MEG3: variants seen among roughly 807,000 people sequenced by gnomAD.
MEG3 encodes the protein Very putative protein from MEG3 locus.
At chr14:100,841,633 G>A (rs911520403) in intron 2 of MEG3, among the ~76,000 whole-genome samples, 19 of 150,746 alleles carry the variant, frequency 1.3e-4, no homozygotes, top group African/African-American at 4.7e-4. Flanking sequence ...TGTGACCTGT[G>A]TGGTCGGGGG....
exon 1 of MEG3, chr14:100,835,063 G>T (rs2037524071): frequency 2.0e-5 from 7 of 348,008 alleles, no homozygotes; most frequent in South Asian, 1.5e-4. Flanking sequence ...GGTTGCCCAG[G>T]GGCTGGAGCA....
intron 2 of MEG3, among the ~76,000 whole-genome samples, chr14:100,840,855 G>A (rs1261320546): frequency 2.0e-5 from 3 of 152,194 alleles, no homozygotes; most frequent in Non-Finnish European, 4.4e-5. Flanking sequence ...GAGGACAGTC[G>A]GGGGCCAAAG....
chr14:100,842,867 C>T (rs923926728), intron 2 of MEG3, among the ~76,000 whole-genome samples: 57 of 152,210 alleles, frequency 3.7e-4, no homozygotes, highest in African/African-American at 1.2e-3. Flanking sequence ...GCTCACTGCA[C>T]GCACTTATGA....
intron 3 of MEG3, chr14:100,850,891 A>G (rs913253709): frequency 3.9e-5 from 6 of 152,326 alleles, no homozygotes; most frequent in African/African-American, 1.4e-4. Context: ...GGAAGGAGGG[A>G]AAAAGGGAAG....
intron 3 of MEG3, chr14:100,848,598 A>G (rs2037983770): frequency 2.7e-5 from 3 of 110,596 alleles, no homozygotes; most frequent in Non-Finnish European, 6.5e-5. Flanking sequence ...GGATGGGAAA[A>G]AATGAAAATA....
intron 2 of MEG3, among the ~76,000 whole-genome samples, chr14:100,839,382 G>T (rs1164988242): frequency 6.6e-6 from 1 of 152,216 alleles, no homozygotes; most frequent in Non-Finnish European, 1.5e-5. Flanking sequence ...TCCAAAGGAG[G>T]AATAAGGAGG....
chr14:100,852,236 A>G (rs993939549), intron 3 of MEG3: 9 of 447,790 alleles, frequency 2.0e-5, no homozygotes, highest in Non-Finnish European at 3.6e-5. Flanking sequence ...GATGGCAGCA[A>G]AGTGGGGTGC....
downstream of MEG3, chr14:100,830,571 G>C (rs2037370440): frequency 6.6e-6 from 1 of 152,140 alleles, no homozygotes; most frequent in African/African-American, 2.4e-5. Context: ...GTGTGTGTTT[G>C]TGTTCAATTA....
At chr14:100,844,748 G>A (rs115389774) in intron 2 of MEG3, among the ~76,000 whole-genome samples, 3,393 of 152,264 alleles carry the variant, frequency 0.022, 119 homozygotes, top group African/African-American at 0.077. Flanking sequence ...TTTTCTTAAA[G>A]CTTAACATTT....
intron 2 of MEG3, among the ~76,000 whole-genome samples, chr14:100,840,382 G>A (rs943295742): frequency 1.3e-5 from 2 of 152,070 alleles, no homozygotes; most frequent in East Asian, 1.9e-4. Flanking sequence ...GGCTCAGGCC[G>A]AGAGGAATGT....
chr14:100,836,829 A>C (rs1206389279), intron 2 of MEG3, among the ~76,000 whole-genome samples: 1 of 142,760 alleles, frequency 7.0e-6, no homozygotes, highest in Non-Finnish European at 1.6e-5. Context: ...TTAATCAAAT[A>C]GTGGTTTTTG....
At chr14:100,829,196 G>A (rs2037332242), downstream of MEG3, 2 of 152,118 alleles carry the variant, frequency 1.3e-5, no homozygotes, top group South Asian at 2.1e-4. Context: ...GGGGGCATTG[G>A]GCATTAAGCC....
downstream of MEG3, chr14:100,833,156 G>A (rs1390021703): frequency 6.9e-6 from 1 of 145,488 alleles, no homozygotes; most frequent in Non-Finnish European, 1.5e-5. Context: ...GTTCAGATTT[G>A]ACTCCAGCAT....
rs1179586453 is a variant in MEG3 at position 100,837,952 on chromosome 14, G to A, written n.3045+1652G>A. ...TGTGCCCAGGGCTAAACCCAGGGAG[G>A]GGGCCCAGGAAGGCTCTGCCCCGTG... On this transcript the variant is annotated intron_variant and non_coding_transcript_variant, in intron 2 of 3. Coordinates refer to the MEG3 transcript ENST00000398461. This position sits in a 1 kb window ranked among gnomAD's most constrained non-coding sequence, Gnocchi z 5.8. Among the ~76,000 whole-genome samples, 1 of 152,068 alleles carries A rather than the reference G, an allele frequency of 6.6e-6. No individual in the cohort carries two copies. The highest frequency in any genetic ancestry group is 1.9e-4 in the East Asian group (1 of 5,174).
At chr14:100,853,022 C>A (rs1330376556), upstream of MEG3, 2 of 152,432 alleles carry the variant, frequency 1.3e-5, no homozygotes, top group Non-Finnish European at 2.9e-5. Context: ...TTCAAAGGTT[C>A]TTTAGTTCTG....
exon 1 of MEG3, chr14:100,835,536 C>T: frequency 6.5e-6 from 1 of 153,856 alleles, no homozygotes; most frequent in Non-Finnish European, 1.4e-5. Flanking sequence ...CTCCGCTTTG[C>T]TCTGTCTCCT....
upstream of MEG3, chr14:100,857,134 A>G (rs912823279): frequency 2.6e-5 from 4 of 152,210 alleles, no homozygotes; most frequent in African/African-American, 9.6e-5. Context: ...ACCTGTTAAC[A>G]ACCACCATAT....
In MEG3 at chr14:100,845,907, G is replaced by T. The variant is rs2037904587; in HGVS notation, n.3121+374G>T. The T allele has an allele frequency of 6.6e-6, 1 of 152,390 alleles. No individual in the cohort carries two copies. Among genetic ancestry groups the T allele is most frequent in the Non-Finnish European group, 1.5e-5 (1 of 67,742 alleles). 9.4% of individuals were successfully genotyped at this position (152,390 alleles called of 1,614,324 possible). ...CTAGGATGGAAGTGCCCTGTGAGCT[G>T]GGGGGCCCTTCAAAGGGCCAAGGAG... On this transcript the variant is annotated intron_variant and non_coding_transcript_variant, in intron 3 of 3. Transcript: ENST00000398461. The surrounding 1 kb of genome is among the most constrained non-coding windows in gnomAD (Gnocchi z 5.2).
chr14:100,834,612 C>T (rs1179894008), exon 1 of MEG3: 1 of 446,556 alleles, frequency 2.2e-6, no homozygotes. Context: ...CAATATCTCC[C>T]TCTCTTTGTC....
Sources: gnomAD v4.1 joint callset for allele counts (sites outside exome capture counted in the v4.1 genomes callset) on GRCh38, gnomAD v4.1.1 for gene constraint, Gnocchi (gnomAD v3.1) non-coding constraint, MANE v1.5 for transcripts, NCBI Gene and HGNC (gene_info 2026-07-23, HGNC 2026-07-21) for gene names.